IFT88: variants seen among roughly 807,000 people sequenced by gnomAD.
IFT88 encodes the protein intraflagellar transport 88.
Under a neutral mutation model 119.5 loss-of-function variants are expected in IFT88, and 74 were observed. The observed-to-expected ratio is 0.62, with a 90% CI of 0.51 to 0.75. IFT88 has a LOEUF of 0.75. IFT88 is among the 30% of genes least tolerant of loss of function. The pLI is 0.00. For synonymous variants in IFT88, 279 were observed against 316.7 expected, an observed-to-expected ratio of 0.88 and a Z score of 1.26; for missense variants, 961 against 977.7, an observed-to-expected ratio of 0.98 and a Z score of 0.23.
At chr13:20,578,419 G>A (rs1473471622) in intron 2 of IFT88, among the ~76,000 whole-genome samples, 1 of 143,588 alleles carries the variant, frequency 7.0e-6, no homozygotes, top group East Asian at 2.0e-4. Flanking sequence ...TCAGGTTTTG[G>A]ATTTCTTCAT....
chr13:20,658,393 A>C (rs1262704950), intron 22 of IFT88, among the ~76,000 whole-genome samples: 2 of 152,128 alleles, frequency 1.3e-5, no homozygotes, highest in African/African-American at 4.8e-5. Flanking sequence ...GAACTTTTTT[A>C]AAGTACAAAT....
intron 21 of IFT88, among the ~76,000 whole-genome samples, chr13:20,655,946 A>G (rs1216341485): frequency 6.6e-6 from 1 of 152,118 alleles, no homozygotes. Flanking sequence ...TTTTGCCACT[A>G]AAATATTTAA....
At position 20,641,352 on chromosome 13, in the gene IFT88, G is replaced by T; in HGVS notation, c.1636G>T (p.Ala546Ser). The T allele has an allele frequency of 1.2e-6, 2 of 1,612,180 alleles. No individual in the cohort carries two copies. Among genetic ancestry groups the T allele is most frequent in the African/African-American group, 2.7e-5 (2 of 74,914 alleles). Residue 546 changes from alanine (A) to serine (S), a missense_variant, in exon 18 of 26, where the codon GCA (alanine) becomes TCA (serine). Coordinates refer to ENST00000351808, the MANE Select transcript of IFT88 (RefSeq NM_006531.5). ...EALDCFLKLH[A>S]ILRNSAEVLY... ...TTTGGACTGTTTCCTGAAACTTCAC[G>T]CAATCCTACGAAACAGTGCCGAAGT...
intron 23 of IFT88, among the ~76,000 whole-genome samples, chr13:20,669,691 T>C (rs2055460071): frequency 6.6e-6 from 1 of 152,162 alleles, no homozygotes; most frequent in Non-Finnish European, 1.5e-5. Context: ...CCCAAAGTGC[T>C]AGGATTACAG....
At chr13:20,676,835 C>CACAT (rs1459199957) in intron 24 of IFT88, among the ~76,000 whole-genome samples, 1 of 152,166 alleles carries the variant, frequency 6.6e-6, no homozygotes, top group African/African-American at 2.4e-5. Context: ...AATACATATG[C>CACAT]ACATACATAC....
chr13:20,664,488 A>G (rs1232628664), intron 23 of IFT88, among the ~76,000 whole-genome samples: 1 of 152,196 alleles, frequency 6.6e-6, no homozygotes, highest in Non-Finnish European at 1.5e-5. Flanking sequence ...TCAGCCCTCC[A>G]TTCCTGAACA....
At chr13:20,590,273 G>A (rs1312759328) in intron 4 of IFT88, among the ~76,000 whole-genome samples, 2 of 152,120 alleles carry the variant, frequency 1.3e-5, no homozygotes, top group Admixed American at 1.3e-4. Flanking sequence ...GTGTGTATTT[G>A]GGTCTTATAT....
intron 15 of IFT88, 91 bp downstream of exon 15, chr13:20,625,940 T>C (rs2047224825): frequency 4.1e-6 from 2 of 482,336 alleles, no homozygotes; most frequent in Admixed American, 4.0e-5. Flanking sequence ...AATAATGTTA[T>C]CTGTGATTAT....
chr13:20,657,241 TATTC>T (rs765304779), intron 22 of IFT88, among the ~76,000 whole-genome samples: 4 of 152,272 alleles, frequency 2.6e-5, no homozygotes, highest in Non-Finnish European at 4.4e-5. Flanking sequence ...TTGTAGAAGA[TATTC>T]ATTTATTTAC....
chr13:20,630,441 T>C (rs1188495730), intron 15 of IFT88, among the ~76,000 whole-genome samples: 1 of 152,222 alleles, frequency 6.6e-6, no homozygotes, highest in African/African-American at 2.4e-5. Flanking sequence ...TAAGAATTAT[T>C]TTGTAAAGAT....
intron 24 of IFT88, among the ~76,000 whole-genome samples, chr13:20,672,036 A>G (rs565710763): frequency 6.6e-6 from 1 of 152,330 alleles, no homozygotes; most frequent in African/African-American, 2.4e-5. Flanking sequence ...GTTAGAATCT[A>G]GTTGGAAAGA....
Position 20,615,876 on chromosome 13 carries a change from A to T in IFT88, c.1196A>T (p.Asp399Val). The T allele has an allele frequency of 6.3e-7, 1 of 1,593,912 alleles. No individual in the cohort carries two copies. Among genetic ancestry groups the T allele is most frequent in the Non-Finnish European group, 8.6e-7 (1 of 1,165,610 alleles). ...VIETSFAAGY[D>V]WCVEVVKASQ... is the part of the protein sequence containing the mutation. ...GAAACATCTTTTGCTGCAGGTTATG[A>T]TTGGTAAGAGAGAAAGTCTATAATA... Residue 399 changes from aspartate (D) to valine (V), a missense_variant, in exon 14 of 26, where the codon GAT becomes GTT. Asp to Val is a radical substitution (Grantham distance 152, BLOSUM62 -3). Transcript: ENST00000351808.
intron 24 of IFT88, among the ~76,000 whole-genome samples, chr13:20,685,247 C>T (rs997222711): frequency 1.2e-4 from 19 of 152,182 alleles, no homozygotes; most frequent in African/African-American, 3.1e-4. Context: ...TTTCCGCTCC[C>T]GGGGGTGGGG....
chr13:20,625,030 A>G (rs1347746689), intron 14 of IFT88, among the ~76,000 whole-genome samples: 3 of 151,692 alleles, frequency 2.0e-5, no homozygotes, highest in Non-Finnish European at 3.0e-5. Flanking sequence ...TCTTTGACCA[A>G]TGTCTTCCCA....
intron 20 of IFT88, among the ~76,000 whole-genome samples, chr13:20,649,709 T>C (rs1200310534): frequency 6.6e-6 from 1 of 152,030 alleles, no homozygotes; most frequent in African/African-American, 2.4e-5. Flanking sequence ...AAACCAAAAA[T>C]TGATTCTTTG....
At chr13:20,578,769 G>A (rs2037976736) in intron 2 of IFT88, among the ~76,000 whole-genome samples, 1 of 152,028 alleles carries the variant, frequency 6.6e-6, no homozygotes, top group South Asian at 2.1e-4. Context: ...GGCTGGTCTT[G>A]AACTGCTGAC....
intron 22 of IFT88, among the ~76,000 whole-genome samples, chr13:20,662,783 T>C (rs951395704): frequency 2.0e-5 from 3 of 152,236 alleles, no homozygotes; most frequent in African/African-American, 7.2e-5. Flanking sequence ...ATGTTGCTAA[T>C]TTTAGAAACA....
chr13:20,582,827 G>A (rs1593783073), intron 2 of IFT88, 130 bp from the exon 3 acceptor site: 2 of 620,596 alleles, frequency 3.2e-6, no homozygotes, highest in South Asian at 4.4e-5. Context: ...TTTGAGGTAG[G>A]AGTCCTAGAT....
chr13:20,687,631 T>G (rs962516783), intron 24 of IFT88, among the ~76,000 whole-genome samples: 2 of 152,048 alleles, frequency 1.3e-5, no homozygotes, highest in African/African-American at 4.8e-5. Context: ...GCTATAAAAT[T>G]ATTACAAATA....
Sources: gnomAD v4.1 joint callset for allele counts (sites outside exome capture counted in the v4.1 genomes callset) on GRCh38, gnomAD v4.1.1 for gene constraint, MANE v1.5 for transcripts, NCBI Gene and HGNC (gene_info 2026-07-23, HGNC 2026-07-21) for gene names.